SKP2: variants seen among roughly 807,000 people sequenced by gnomAD.
SKP2 encodes the protein S-phase kinase associated protein 2.
Under a neutral mutation model 51.8 loss-of-function variants are expected in SKP2, and 16 were observed. The observed-to-expected ratio is 0.31, with a 90% confidence interval of 0.21 to 0.47. The LOEUF is 0.47. Ranked by LOEUF, SKP2 falls within the 20% of genes least tolerant of loss-of-function variation. The pLI, the probability that SKP2 is intolerant of heterozygous loss-of-function variation, is 1.00. For synonymous variants in SKP2, 176 were observed against 198.6 expected (o/e 0.89, Z 0.96); for missense variants, 377 against 505.3 (o/e 0.75, Z 2.43).
intron 2 of SKP2, among the ~76,000 whole-genome samples, chr5:36,156,209 C>T (rs1318801096): frequency 6.6e-6 from 1 of 152,082 alleles, no homozygotes; most frequent in East Asian, 1.9e-4. Context: ...ATCAGTGATG[C>T]AGGATGAGGG....
At position 36,171,527 on chromosome 5, in the gene SKP2, CTTTG is replaced by C. The variant is rs1745474746; in HGVS notation, c.771-71_771-68del. 9 of 1,301,946 alleles carry C rather than the reference CTTTG, an allele frequency of 6.9e-6. No homozygotes were observed. In the Middle Eastern group the frequency reaches 9.4e-4, roughly 136 times the overall value. 80.6% of individuals were successfully genotyped at this position (1,301,946 alleles called of 1,614,324 possible). A position where few individuals can be genotyped will look rare whatever the true frequency, so the allele number is the denominator to read the frequency against. ...TAAGGAATCCATGGTTTTATATTTTCTTTGTTTGCAGTTTGAGGCAAACTCATTC... is the reference window on the plus strand; with the variant it reads ...TAAGGAATCCATGGTTTTATATTTTCTTTGCAGTTTGAGGCAAACTCATTC... On this transcript the variant is annotated intron_variant, in intron 6 of 9. Transcript: ENST00000274255.
chr5:36,180,413 C>T (rs1186141820), intron 9 of SKP2: 2 of 371,354 alleles, frequency 5.4e-6, no homozygotes, highest in Non-Finnish European at 1.1e-5. Flanking sequence ...TGGTTATATA[C>T]CTTTAGATCT....
intron 9 of SKP2, among the ~76,000 whole-genome samples, chr5:36,180,769 A>G (rs1182896915): frequency 3.3e-5 from 5 of 152,214 alleles, no homozygotes; most frequent in African/African-American, 7.2e-5. Context: ...AGTTATAAGG[A>G]AAGTTTGGGG....
intron 9 of SKP2, among the ~76,000 whole-genome samples, chr5:36,179,153 G>A (rs1005576208): frequency 2.6e-5 from 4 of 152,090 alleles, no homozygotes; most frequent in Non-Finnish European, 5.9e-5. Flanking sequence ...TATTTCTTTA[G>A]GTATTGTGTA....
chr5:36,180,693 A>G (rs151281258), intron 9 of SKP2, among the ~76,000 whole-genome samples: 3 of 152,330 alleles, frequency 2.0e-5, no homozygotes, highest in African/African-American at 7.2e-5. Context: ...AATGACTAAC[A>G]TGAGCTAGGC....
rs1044201055 is a variant in SKP2 at position 36,182,004 on chromosome 5, G to A, written c.1248G>A (p.Leu416=). The change falls in exon 10 of 10, where the codon CTG becomes CTA. Residue 416 remains leucine (L), a synonymous_variant. Coordinates refer to ENST00000274255, the MANE Select transcript of SKP2 (RefSeq NM_005983.4). ...AGATATGGGGCATCAAATGCCGACT[G>A]ACACTGCAAAAGCCCAGTTGTCTAT... ...NQEIWGIKCR[L]TLQKPSCL is the part of the protein sequence containing the mutation. 6 of 1,614,024 alleles carry A rather than the reference G, an allele frequency of 3.7e-6. No homozygotes were observed. Among genetic ancestry groups the A allele is most frequent in the Non-Finnish European group, 5.1e-6 (6 of 1,180,014 alleles).
chr5:36,176,837 A>T, intron 7 of SKP2, 128 bp from the exon 8 acceptor site: 1 of 585,434 alleles, frequency 1.7e-6, no homozygotes, highest in African/African-American at 1.9e-5. Flanking sequence ...TTTTCTTTCT[A>T]ATAGTGTGTG....
downstream of SKP2, among the ~76,000 whole-genome samples, chr5:36,184,783 TG>T (rs1375276273): frequency 2.0e-5 from 3 of 152,212 alleles, no homozygotes; most frequent in East Asian, 5.8e-4. Flanking sequence ...TACCCAGTAA[TG>T]GGATGGCTGG....
chr5:36,166,715 C>T lies in SKP2; in HGVS notation c.536+53C>T. 9.2e-6 allele frequency: 12 copies of T among 1,297,462 alleles called. No homozygotes were observed. In the South Asian group the frequency reaches 1.5e-4, roughly 17 times the overall value. 80.4% of individuals were successfully genotyped at this position (1,297,462 alleles called of 1,614,324 possible). ...CTATTTCTAAATTTCGAGGTAGAAACAGATCAAAGCTTTTTTTTTTTTTTT... is the reference window on the plus strand; with the variant it reads ...CTATTTCTAAATTTCGAGGTAGAAATAGATCAAAGCTTTTTTTTTTTTTTT... On this transcript the variant is annotated intron_variant, in intron 4 of 9. Transcript: ENST00000274255.
intron 2 of SKP2, among the ~76,000 whole-genome samples, chr5:36,158,093 G>A (rs1561531836): frequency 6.6e-6 from 1 of 152,148 alleles, no homozygotes; most frequent in Admixed American, 6.5e-5. Context: ...CCCTTTCCTG[G>A]CCCTGAAGTA....
chr5:36,190,831 TATC>T (rs1746007552), intron 6 of SKP2, among the ~76,000 whole-genome samples: 1 of 151,974 alleles, frequency 6.6e-6, no homozygotes, highest in Non-Finnish European at 1.5e-5. Context: ...AGACCCATAA[TATC>T]ATAACTATTT....
intron 9 of SKP2, among the ~76,000 whole-genome samples, chr5:36,178,844 C>G (rs1745715163): frequency 6.6e-6 from 1 of 151,808 alleles, no homozygotes; most frequent in Admixed American, 6.6e-5. Flanking sequence ...CAAGCAGAGG[C>G]GAGGGGAAGG....
downstream of SKP2, among the ~76,000 whole-genome samples, chr5:36,188,182 CA>C (rs1430609352): frequency 6.6e-6 from 1 of 152,124 alleles, no homozygotes. Flanking sequence ...TGACTCTATC[CA>C]ATTTGCCAGT....
chr5:36,157,681 C>A (rs1234426224), intron 2 of SKP2, among the ~76,000 whole-genome samples: 1 of 152,140 alleles, frequency 6.6e-6, no homozygotes, highest in Non-Finnish European at 1.5e-5. Context: ...CACACACACA[C>A]AAAAACAAGT....
chr5:36,192,158 A>G (rs1042633424), intron 6 of SKP2, among the ~76,000 whole-genome samples: 3 of 152,326 alleles, frequency 2.0e-5, no homozygotes, highest in Middle Eastern at 3.4e-3. Context: ...TCATACCTTA[A>G]TGTAGAAAAC....
rs926472915 is a variant in SKP2 at position 36,184,068 on chromosome 5, CTTT to C, written c.*2042_*2044del. On this transcript the variant is annotated 3_prime_UTR_variant, in exon 10 of 10. Transcript: ENST00000274255. ...TAAGTTGTATTCCTTTTTTCTTTCT[CTTT>C]TTTTAAGTGCTGTGGTTAAAATTTG... is the stretch of plus-strand genomic sequence containing the variant. The C allele has an allele frequency of 5.3e-6, 5 of 949,898 alleles. No individual in the cohort carries two copies. The South Asian group carries it at 8.6e-5, about 16-fold the overall frequency. 58.8% of individuals were successfully genotyped at this position (949,898 alleles called of 1,614,324 possible).
At chr5:36,159,479 C>T (rs1296820130) in intron 2 of SKP2, among the ~76,000 whole-genome samples, 1 of 152,180 alleles carries the variant, frequency 6.6e-6, no homozygotes, top group Admixed American at 6.5e-5. Context: ...CCTTGAAGCC[C>T]CCCATTCCCT....
chr5:36,163,913 C>T (rs1270621344), intron 3 of SKP2, among the ~76,000 whole-genome samples, 157 bp downstream of exon 3: 6 of 152,190 alleles, frequency 3.9e-5, no homozygotes, highest in Non-Finnish European at 5.9e-5. Flanking sequence ...GTCCTCATTT[C>T]ACAGTGGAAG....
intron 6 of SKP2, among the ~76,000 whole-genome samples, chr5:36,189,845 C>T (rs1358471787): frequency 2.0e-5 from 3 of 152,186 alleles, no homozygotes; most frequent in African/African-American, 7.2e-5. Flanking sequence ...AGGCATGCCT[C>T]CTTGAGCTGC....
Sources: gnomAD v4.1 joint callset for allele counts (sites outside exome capture counted in the v4.1 genomes callset) on GRCh38, gnomAD v4.1.1 for gene constraint, MANE v1.5 for transcripts, NCBI Gene and HGNC (gene_info 2026-07-23, HGNC 2026-07-21) for gene names.